Variants in SLC25A26 observed in about 807,000 individuals in gnomAD.
SLC25A26 encodes the protein mitochondrial S-adenosylmethionine carrier protein.
Under a neutral mutation model 37.8 loss-of-function variants are expected in SLC25A26, and 36 were observed. That is an observed-to-expected ratio of 0.95 (90% CI 0.73 to 1.26). The LOEUF is 1.26. Ranked by LOEUF, SLC25A26 falls within the 50% of genes most tolerant of loss-of-function variation. The pLI is 0.00. For synonymous variants in SLC25A26, 129 were observed against 122.5 expected (o/e 1.05, Z -0.35); for missense variants, 390 against 331.1 (o/e 1.18, Z -1.38).
chr3:66,134,198 TG>T (rs775946394), intron 1 of SLC25A26, among the ~76,000 whole-genome samples: 3 of 152,252 alleles, frequency 2.0e-5, no homozygotes, highest in Non-Finnish European at 2.9e-5. Context: ...GATATCCTGT[TG>T]TGATAACCTT....
At chr3:66,264,097 C>T (rs759649740) in intron 5 of SLC25A26, among the ~76,000 whole-genome samples, 25 of 152,016 alleles carry the variant, frequency 1.6e-4, no homozygotes, top group Admixed American at 1.0e-3. Flanking sequence ...GCCAACATGA[C>T]GAAACCTCGT....
rs1488507301 is a variant in SLC25A26, at chr3:66,207,570, AT to A, written c.-353-13171del. Among the ~76,000 whole-genome samples the A allele has an allele frequency of 6.5e-3, 985 of 152,332 alleles. 14 individuals carry two copies. Among genetic ancestry groups the A allele is most frequent in the African/African-American group, 0.019 (771 of 41,572 alleles). ...TTGGATGAAAAAGAATACAATGCTT[AT>A]GAAACAATGGACCTCATCTCTAAAT... On this transcript the variant is annotated intron_variant, in intron 1 of 10. Coordinates refer to the SLC25A26 transcript ENST00000676754.
intron 1 of SLC25A26, among the ~76,000 whole-genome samples, chr3:66,196,121 A>T (rs1413526746): frequency 2.3e-5 from 3 of 131,106 alleles, no homozygotes; most frequent in African/African-American, 8.8e-5. Context: ...TACATTAATT[A>T]CTATCTTTAA....
intron 1 of SLC25A26, among the ~76,000 whole-genome samples, chr3:66,209,185 A>G (rs1279255461): frequency 2.9e-5 from 4 of 136,350 alleles, no homozygotes; most frequent in Non-Finnish European, 6.2e-5. Flanking sequence ...AGATATATAT[A>G]TATATAACTT....
intron 1 of SLC25A26, among the ~76,000 whole-genome samples, chr3:66,163,106 T>G (rs1335427877): frequency 6.6e-6 from 1 of 152,244 alleles, no homozygotes; most frequent in African/African-American, 2.4e-5. Context: ...CTCGACATCC[T>G]TGTTAAAATG....
At chr3:66,345,518 C>G (rs1319771169) in intron 5 of SLC25A26, among the ~76,000 whole-genome samples, 1 of 146,768 alleles carries the variant, frequency 6.8e-6, no homozygotes, top group African/African-American at 2.5e-5. Context: ...TACCTCCCTG[C>G]TTTCTTTCCC....
At chr3:66,222,103 T>C (rs1004531466) in intron 1 of SLC25A26, among the ~76,000 whole-genome samples, 39 of 151,960 alleles carry the variant, frequency 2.6e-4, no homozygotes, top group African/African-American at 6.0e-4. Flanking sequence ...GCCAGACTTG[T>C]AGGATGATAG....
At chr3:66,339,864 TGTA>T (rs1190386134) in intron 5 of SLC25A26, among the ~76,000 whole-genome samples, 1 of 152,118 alleles carries the variant, frequency 6.6e-6, no homozygotes, top group Non-Finnish European at 1.5e-5. Flanking sequence ...TTAATTTTGA[TGTA>T]GTCCCATTTA....
intron 1 of SLC25A26, among the ~76,000 whole-genome samples, chr3:66,229,460 C>A (rs1408247728): frequency 1.3e-5 from 2 of 152,170 alleles, no homozygotes; most frequent in Non-Finnish European, 2.9e-5. Context: ...TTCCCCCATG[C>A]TGTTCTCCTG....
At chr3:66,337,696 T>C (rs983412084) in intron 5 of SLC25A26, among the ~76,000 whole-genome samples, 3 of 152,072 alleles carry the variant, frequency 2.0e-5, no homozygotes, top group African/African-American at 7.2e-5. Context: ...ATTTTAATAA[T>C]GCAAATGTAG....
chr3:66,272,810 C>A (rs2074002402), intron 5 of SLC25A26, among the ~76,000 whole-genome samples: 1 of 152,152 alleles, frequency 6.6e-6, no homozygotes, highest in Admixed American at 6.6e-5. Flanking sequence ...ATTGCCCTGG[C>A]CAGAACTTCC....
At chr3:66,158,091 A>C (rs2070308903) in intron 1 of SLC25A26, among the ~76,000 whole-genome samples, 1 of 152,226 alleles carries the variant, frequency 6.6e-6, no homozygotes, top group South Asian at 2.1e-4. Flanking sequence ...GTGAGAGCAA[A>C]CTATTAAACT....
At chr3:66,346,520 A>G (rs2076327571) in intron 6 of SLC25A26, 112 bp downstream of exon 6, 1 of 515,384 alleles carries the variant, frequency 1.9e-6, no homozygotes, top group East Asian at 3.5e-5. Context: ...ACTCAAACCT[A>G]TTAGCAGTTG....
At chr3:66,325,007 G>T (rs2075800285) in intron 5 of SLC25A26, among the ~76,000 whole-genome samples, 1 of 152,104 alleles carries the variant, frequency 6.6e-6, no homozygotes, top group Non-Finnish European at 1.5e-5. Context: ...CAAATTTTGG[G>T]CTTATATACT....
At position 66,139,788 on chromosome 3, in the gene SLC25A26, C is replaced by T. The variant is rs559331526; in HGVS notation, c.-354+5804C>T. ...CTTGAGTTACTTCTTTCACACTAAG[C>T]GCTAAAGCCGTGGGTCAGGCAAATT... On this transcript the variant is annotated intron_variant, in intron 1 of 10. Coordinates refer to the SLC25A26 transcript ENST00000676754. Among the ~76,000 whole-genome samples, 6 of 152,214 alleles carry T rather than the reference C, an allele frequency of 3.9e-5. No individual in the cohort carries two copies. The East Asian group carries it at 5.8e-4, about 15-fold the overall frequency.
At chr3:66,183,813 C>A (rs554913277) in intron 1 of SLC25A26, among the ~76,000 whole-genome samples, 18 of 152,044 alleles carry the variant, frequency 1.2e-4, no homozygotes, top group African/African-American at 1.5e-4. Flanking sequence ...TTGGCTCTTA[C>A]CCTGATTCTA....
At chr3:66,276,990 G>C (rs930198473) in intron 5 of SLC25A26, among the ~76,000 whole-genome samples, 3 of 148,902 alleles carry the variant, frequency 2.0e-5, no homozygotes, top group Non-Finnish European at 1.5e-5. Context: ...ATTAGAAAAT[G>C]TAAATTTAAG....
chr3:66,206,548 A>G (rs2071179911), intron 1 of SLC25A26, among the ~76,000 whole-genome samples: 1 of 152,232 alleles, frequency 6.6e-6, no homozygotes, highest in African/African-American at 2.4e-5. Context: ...GGCTGTACAT[A>G]CTGTTTCTTT....
intron 5 of SLC25A26, among the ~76,000 whole-genome samples, chr3:66,334,621 T>TGGAA (rs953889802): frequency 6.6e-6 from 1 of 152,082 alleles, no homozygotes; most frequent in Non-Finnish European, 1.5e-5. Context: ...GGGCCCTGAG[T>TGGAA]GGAAGCTTTA....
Sources: gnomAD v4.1 joint callset for allele counts (sites outside exome capture counted in the v4.1 genomes callset) on GRCh38, gnomAD v4.1.1 for gene constraint, MANE v1.5 for transcripts, NCBI Gene and HGNC (gene_info 2026-07-23, HGNC 2026-07-21) for gene names.